Variants in NCKAP1 observed in about 807,000 individuals in gnomAD.
NCKAP1 encodes the protein NCK associated protein 1, also known as nck-associated protein 1.
Under a neutral mutation model 151.2 loss-of-function variants are expected in NCKAP1, and 21 were observed. That is an observed-to-expected ratio of 0.14 (90% CI 0.10 to 0.20). The LOEUF (loss-of-function observed/expected upper bound fraction) is 0.20, where lower values mean the gene tolerates loss of function less well. NCKAP1 is among the 10% of genes least tolerant of loss of function. The pLI, the probability that NCKAP1 is intolerant of heterozygous loss-of-function variation, is 1.00. For missense variants in NCKAP1, 933 were observed against 1,352.1 expected (o/e 0.69, Z 4.86); for synonymous variants, 484 against 451.8 (o/e 1.07, Z -0.90).
chr2:182,952,576 C>A, intron 22 of NCKAP1, 74 bp from the exon 23 acceptor site: 3 of 1,190,616 alleles, frequency 2.5e-6, no homozygotes, highest in Non-Finnish European at 2.4e-6. Flanking sequence ...TAACACAATA[C>A]AACATCTCAT....
chr2:182,949,798 C>T (rs770113347), intron 23 of NCKAP1, among the ~76,000 whole-genome samples: 1 of 152,168 alleles, frequency 6.6e-6, no homozygotes, highest in African/African-American at 2.4e-5. Flanking sequence ...CTGTCTCCAA[C>T]AAATAAACAA....
intron 23 of NCKAP1, among the ~76,000 whole-genome samples, chr2:182,948,632 T>C (rs1051317247): frequency 6.6e-6 from 1 of 152,076 alleles, no homozygotes; most frequent in African/African-American, 2.4e-5. Flanking sequence ...CCTAGAATAA[T>C]GGACAATACC....
At chr2:183,001,340 C>T (rs1698369888) in intron 6 of NCKAP1, among the ~76,000 whole-genome samples, 2 of 152,104 alleles carry the variant, frequency 1.3e-5, no homozygotes, top group Non-Finnish European at 2.9e-5. Context: ...GTGAATCAGC[C>T]CTTCTGCAGA....
At chr2:182,947,872 T>C (rs1697139671) in intron 23 of NCKAP1, among the ~76,000 whole-genome samples, 1 of 152,186 alleles carries the variant, frequency 6.6e-6, no homozygotes, top group South Asian at 2.1e-4. Context: ...GGATTTCTTA[T>C]GTAATAAAAT....
chr2:182,995,862 C>T lies in NCKAP1; in HGVS notation c.604-24G>A, dbSNP rs771231174. 9 of 1,581,592 alleles carry T rather than the reference C, an allele frequency of 5.7e-6. 1 individual carries two copies. In the South Asian group the frequency reaches 1.0e-4, roughly 18 times the overall value. On this transcript the variant is annotated intron_variant, in intron 6 of 30. Coordinates refer to ENST00000361354, the MANE Select transcript of NCKAP1 (RefSeq NM_013436.5). ...GACTAATTAAAATACGAAAAAAAAG[C>T]TGAAGAATAATTTTCTTTCCTTTTC...
chr2:183,013,691 C>T (rs924279975), intron 2 of NCKAP1, among the ~76,000 whole-genome samples: 1 of 152,110 alleles, frequency 6.6e-6, no homozygotes, highest in Non-Finnish European at 1.5e-5. Context: ...TACTCCCCTC[C>T]TATGGCATCT....
At chr2:183,029,531 C>CAA (rs796286445) in intron 1 of NCKAP1, among the ~76,000 whole-genome samples, 4 of 145,656 alleles carry the variant, frequency 2.7e-5, no homozygotes, top group African/African-American at 7.5e-5. Context: ...ATCAAGACAC[C>CAA]AAAAAAAAAA....
rs1427524816 is a variant in NCKAP1 at position 182,923,886 on chromosome 2, A to AT, written c.*1815dup. On this transcript the variant is annotated 3_prime_UTR_variant, in exon 31 of 31. Coordinates refer to ENST00000361354, the MANE Select transcript of NCKAP1 (RefSeq NM_013436.5). ...AAACTTCAGGTGACTATGAGGAGCG[A>AT]TTTTTTTCTCAGCCTAGCAGTGGTA... The AT allele has an allele frequency of 1.3e-5, 2 of 152,102 alleles. No homozygotes were observed. Among genetic ancestry groups the AT allele is most frequent in the Non-Finnish European group, 2.9e-5 (2 of 67,988 alleles). 9.4% of individuals were successfully genotyped at this position (152,102 alleles called of 1,614,324 possible).
chr2:183,023,713 T>C, intron 2 of NCKAP1, 93 bp downstream of exon 2: 1 of 943,290 alleles, frequency 1.1e-6, no homozygotes, highest in Non-Finnish European at 1.6e-6. Context: ...TGTTAAAAAT[T>C]AGGTAAATAA....
intron 18 of NCKAP1, among the ~76,000 whole-genome samples, chr2:182,960,083 G>A (rs183012707): frequency 6.6e-6 from 1 of 152,126 alleles, no homozygotes; most frequent in Non-Finnish European, 1.5e-5. Flanking sequence ...AATAAAAGAG[G>A]ATACAAACAA....
intron 2 of NCKAP1, among the ~76,000 whole-genome samples, chr2:183,014,388 T>C (rs1438777524): frequency 1.3e-5 from 2 of 151,728 alleles, no homozygotes; most frequent in Admixed American, 6.6e-5. Flanking sequence ...TTCCAGATAG[T>C]AAAAAAAAGT....
At position 182,915,894 on chromosome 2, in the gene NCKAP1, T is replaced by G. The variant is rs979705249; in HGVS notation, c.*9808A>C. 1 of 152,170 alleles carries G rather than the reference T, an allele frequency of 6.6e-6. No homozygotes were observed. The highest frequency in any genetic ancestry group is 2.4e-5 in the African/African-American group (1 of 41,444). 9.4% of individuals were successfully genotyped at this position (152,170 alleles called of 1,614,324 possible). On this transcript the variant is annotated 3_prime_UTR_variant, in exon 31 of 31. Transcript: ENST00000361354. Reference sequence around the variant, plus strand: ...CTTAAATTTTCAGATTTAAAAATAATTTTTTTGCTACGTGGAATGCCTTTT... The same window carrying G: ...CTTAAATTTTCAGATTTAAAAATAAGTTTTTTGCTACGTGGAATGCCTTTT...
At chr2:182,962,335 A>C in intron 17 of NCKAP1, 57 bp from the exon 18 acceptor site, 1 of 1,453,678 alleles carries the variant, frequency 6.9e-7, no homozygotes, top group Non-Finnish European at 9.3e-7. Flanking sequence ...CGTTGAATTA[A>C]AAAGACTTCT....
At chr2:182,990,608 C>T (rs1698147870) in intron 8 of NCKAP1, among the ~76,000 whole-genome samples, 1 of 152,128 alleles carries the variant, frequency 6.6e-6, no homozygotes, top group Non-Finnish European at 1.5e-5. Context: ...ATCTTTCATT[C>T]ACTGAACATC....
At chr2:182,942,286 T>C in intron 23 of NCKAP1, 123 bp from the exon 24 acceptor site, 2 of 603,582 alleles carry the variant, frequency 3.3e-6, no homozygotes, top group Non-Finnish European at 2.9e-6. Flanking sequence ...AGACGCTCTA[T>C]GCTACATATA....
At chr2:182,946,486 G>A (rs1697108783) in intron 23 of NCKAP1, among the ~76,000 whole-genome samples, 1 of 151,862 alleles carries the variant, frequency 6.6e-6, no homozygotes, top group African/African-American at 2.4e-5. Flanking sequence ...TACCTATTGG[G>A]TACTTATGCT....
At chr2:182,955,486 C>G (rs1319098604) in intron 20 of NCKAP1, among the ~76,000 whole-genome samples, 1 of 152,068 alleles carries the variant, frequency 6.6e-6, no homozygotes, top group Non-Finnish European at 1.5e-5. Flanking sequence ...CTTATCAATG[C>G]ACTATTTCAT....
intron 25 of NCKAP1, 175 bp downstream of exon 25, chr2:182,935,118 A>T (rs917018142): frequency 3.4e-6 from 2 of 595,430 alleles, no homozygotes; most frequent in Non-Finnish European, 5.6e-6. Context: ...CAGCAGTACC[A>T]AAACAAAAAA....
At chr2:182,964,424 C>T (rs999618257) in intron 17 of NCKAP1, among the ~76,000 whole-genome samples, 2 of 152,024 alleles carry the variant, frequency 1.3e-5, no homozygotes, top group African/African-American at 4.8e-5. Context: ...GATATTAATA[C>T]CTGACCCACC....
Sources: gnomAD v4.1 joint callset for allele counts (sites outside exome capture counted in the v4.1 genomes callset) on GRCh38, gnomAD v4.1.1 for gene constraint, MANE v1.5 for transcripts, NCBI Gene and HGNC (gene_info 2026-07-23, HGNC 2026-07-21) for gene names.